Variants in RABGAP1L observed in about 807,000 individuals in gnomAD.
RABGAP1L encodes the protein rab GTPase-activating protein 1-like.
A neutral mutation model predicts 137.7 loss-of-function variants in RABGAP1L; 63 were observed. The ratio of observed to expected loss-of-function variants is 0.46; its 90% confidence interval spans 0.37 to 0.56. The LOEUF (loss-of-function observed/expected upper bound fraction) is 0.56, where lower values mean the gene tolerates loss of function less well. RABGAP1L is among the 20% of genes least tolerant of loss of function. The pLI, the probability that RABGAP1L is intolerant of heterozygous loss-of-function variation, is 0.00. For missense variants in RABGAP1L, 1,095 were observed against 1,244.0 expected (o/e 0.88, Z 1.80); for synonymous variants, 431 against 433.7 (o/e 0.99, Z 0.08).
chr1:174,701,826 G>A (rs1349774880), intron 16 of RABGAP1L, among the ~76,000 whole-genome samples: 1 of 152,022 alleles, frequency 6.6e-6, no homozygotes, highest in Non-Finnish European at 1.5e-5. Flanking sequence ...CACTACAGAT[G>A]CTCTGGTAGA....
intron 12 of RABGAP1L, among the ~76,000 whole-genome samples, chr1:174,388,633 G>A (rs1571569383): frequency 6.6e-6 from 1 of 152,002 alleles, no homozygotes; most frequent in Non-Finnish European, 1.5e-5. Context: ...TAATTTAAAG[G>A]ATTAGGCAGA....
chr1:174,210,060 CT>C (rs1337901195), intron 1 of RABGAP1L, among the ~76,000 whole-genome samples: 1 of 152,140 alleles, frequency 6.6e-6, no homozygotes, highest in African/African-American at 2.4e-5. Context: ...TGGAGTGCCC[CT>C]AATGCAGATA....
At chr1:174,743,361 G>A (rs1237889359) in intron 17 of RABGAP1L, among the ~76,000 whole-genome samples, 2 of 152,018 alleles carry the variant, frequency 1.3e-5, no homozygotes, top group Non-Finnish European at 2.9e-5. Context: ...TAAGGAATCC[G>A]ATAAAACAAA....
intron 13 of RABGAP1L, among the ~76,000 whole-genome samples, chr1:174,485,964 G>A (rs1354145072): frequency 6.6e-6 from 1 of 152,068 alleles, no homozygotes; most frequent in African/African-American, 2.4e-5. Flanking sequence ...AAGCCATCAG[G>A]TCCTGGACTT....
At chr1:174,195,604 TCTTTCTTTCTTTCTTC>T (rs1262458206) in intron 1 of RABGAP1L, among the ~76,000 whole-genome samples, 7 of 75,946 alleles carry the variant, frequency 9.2e-5, no homozygotes, top group Non-Finnish European at 1.3e-4. Flanking sequence ...TTTCTTTCTT[TCTTTCTTTCTTTCTTC>T]CTTCCTTCCT....
intron 19 of RABGAP1L, among the ~76,000 whole-genome samples, chr1:174,893,765 A>G (rs985121020): frequency 8.5e-5 from 13 of 152,250 alleles, no homozygotes; most frequent in Middle Eastern, 3.4e-3. Flanking sequence ...TTAACTTTTC[A>G]TACTCAAAAG....
intron 7 of RABGAP1L, among the ~76,000 whole-genome samples, chr1:174,259,077 C>T (rs1047585739): frequency 3.1e-4 from 47 of 151,562 alleles, no homozygotes; most frequent in African/African-American, 1.1e-3. Flanking sequence ...GTGTGAGCCA[C>T]CATGCCTGGC....
At chr1:174,252,326 A>G in intron 6 of RABGAP1L, 154 bp from the exon 7 acceptor site, 1 of 772,722 alleles carries the variant, frequency 1.3e-6, no homozygotes, top group Non-Finnish European at 1.9e-6. Context: ...TAAAATTAAT[A>G]GTTTGCTGCC....
At chr1:174,537,903 A>C (rs935993078) in intron 13 of RABGAP1L, among the ~76,000 whole-genome samples, 1 of 152,220 alleles carries the variant, frequency 6.6e-6, no homozygotes, top group Admixed American at 6.5e-5. Context: ...AGTATTGTTC[A>C]ATAAGGGCTC....
chr1:174,846,818 A>G (rs988570807), intron 19 of RABGAP1L, among the ~76,000 whole-genome samples: 7 of 61,880 alleles, frequency 1.1e-4, no homozygotes, highest in African/African-American at 2.6e-4. Context: ...TCTAATGTTG[A>G]CAGTGGGGTG....
rs1674243974 is a variant in RABGAP1L at position 174,268,249 on chromosome 1, G to T, written c.987-4165G>T. ...GAGTCTTGCTCTGTTGCCCAGGCTG[G>T]AGTGCACTGGTGCAATCTCGGCTCA... On this transcript the variant is annotated intron_variant, in intron 7 of 25. Coordinates refer to ENST00000681986, the MANE Select transcript of RABGAP1L (RefSeq NM_001366446.1). 1.3e-5 allele frequency among the ~76,000 whole-genome samples: 2 copies of T among 150,978 alleles called. 1 individual carries two copies. Among genetic ancestry groups the T allele is most frequent in the African/African-American group, 4.9e-5 (2 of 40,974 alleles).
intron 13 of RABGAP1L, among the ~76,000 whole-genome samples, chr1:174,508,247 T>C (rs998096048): frequency 1.3e-5 from 2 of 152,144 alleles, no homozygotes; most frequent in Non-Finnish European, 2.9e-5. Flanking sequence ...TATCGACTCA[T>C]TGTTATTTTT....
intron 17 of RABGAP1L, among the ~76,000 whole-genome samples, chr1:174,741,880 A>AG (rs1237002945): frequency 2.9e-4 from 40 of 138,332 alleles, no homozygotes; most frequent in African/African-American, 1.0e-3. Flanking sequence ...AAAAAAAAAA[A>AG]GTAGAAAAAT....
chr1:174,639,031 T>C (rs1253354522), intron 14 of RABGAP1L, among the ~76,000 whole-genome samples: 3 of 148,208 alleles, frequency 2.0e-5, no homozygotes, highest in Non-Finnish European at 3.0e-5. Context: ...AAACTTAAAG[T>C]GTAATAAAAA....
chr1:174,572,540 G>A (rs1281477813), intron 13 of RABGAP1L, among the ~76,000 whole-genome samples: 3 of 151,834 alleles, frequency 2.0e-5, no homozygotes, highest in Non-Finnish European at 4.4e-5. Context: ...GCACCACCAC[G>A]CCCAGCTAAT....
At chr1:174,264,490 C>G (rs1323746793) in intron 7 of RABGAP1L, among the ~76,000 whole-genome samples, 1 of 152,108 alleles carries the variant, frequency 6.6e-6, no homozygotes, top group Non-Finnish European at 1.5e-5. Flanking sequence ...GACCTGAGGT[C>G]TCCAAACTTA....
chr1:174,957,543 A>G lies in RABGAP1L; in HGVS notation c.2427A>G (p.Arg809=), dbSNP rs770073299. 6.2e-7 allele frequency: 1 copy of G among 1,600,788 alleles called. No homozygotes were observed. Among genetic ancestry groups the G allele is most frequent in the Admixed American group, 1.7e-5 (1 of 59,962 alleles). ...SQLQQEDPMD[R]YKRENRRLQE... The stretch of plus-strand genomic sequence containing the variant: ...TGCAACAGGAAGACCCAATGGATAG[A>G]TACAAGGTATGAGAAATATGTTGCA... The change falls in exon 20 of 26, where the codon AGA becomes AGG. Residue 809 remains arginine, a synonymous_variant. Coordinates refer to ENST00000681986, the MANE Select transcript of RABGAP1L (RefSeq NM_001366446.1).
intron 13 of RABGAP1L, among the ~76,000 whole-genome samples, chr1:174,470,130 G>T (rs1357834912): frequency 2.0e-5 from 3 of 152,010 alleles, no homozygotes; most frequent in Non-Finnish European, 4.4e-5. Context: ...ACTGCATTTT[G>T]CAGGGTTCCA....
At chr1:174,782,033 T>G (rs892758445) in intron 18 of RABGAP1L, among the ~76,000 whole-genome samples, 11 of 152,218 alleles carry the variant, frequency 7.2e-5, no homozygotes, top group African/African-American at 2.7e-4. Context: ...GGCTTAGGAT[T>G]GACTTGGCGA....
Sources: allele counts gnomAD v4.1 joint callset (sites outside exome capture counted in the v4.1 genomes callset), GRCh38; gene constraint gnomAD v4.1.1; transcripts MANE v1.5; gene names NCBI Gene and HGNC (gene_info 2026-07-23, HGNC 2026-07-21).